The following WDFY3 variants were observed in gnomAD, a reference collection of about 807,000 sequenced individuals.
The protein encoded by WDFY3 is WD repeat and FYVE domain-containing protein 3.
A neutral mutation model predicts 409.6 loss-of-function variants in WDFY3; 66 were observed. The ratio of observed to expected loss-of-function variants is 0.16; its 90% CI spans 0.13 to 0.20. The LOEUF (loss-of-function observed/expected upper bound fraction) is 0.20, where lower values mean the gene tolerates loss of function less well. WDFY3 is among the 10% of genes least tolerant of loss of function. The probability of loss-of-function intolerance (pLI) is 1.00; values close to 1 mark genes in which losing one functional copy is unlikely to be tolerated. For synonymous variants in WDFY3, 1,521 were observed against 1,537.1 expected, an observed-to-expected ratio of 0.99 and a Z score of 0.25; for missense variants, 3,031 against 4,298.1, an observed-to-expected ratio of 0.71 and a Z score of 8.24.
At chr4:84,698,005 A>C (rs1027407439) in intron 56 of WDFY3, among the ~76,000 whole-genome samples, 38 of 152,162 alleles carry the variant, frequency 2.5e-4, no homozygotes, top group African/African-American at 8.7e-4. Flanking sequence ...TTTACAACAA[A>C]AATAAATCAA....
chr4:84,814,726 T>C (rs1487612766), intron 13 of WDFY3, among the ~76,000 whole-genome samples: 1 of 152,166 alleles, frequency 6.6e-6, no homozygotes, highest in Non-Finnish European at 1.5e-5. Flanking sequence ...CACTGGCATA[T>C]TGTTATAATT....
At chr4:84,801,955 T>C in intron 16 of WDFY3, 91 bp from the exon 17 acceptor site, 1 of 1,343,754 alleles carries the variant, frequency 7.4e-7, no homozygotes, top group Admixed American at 2.4e-5. Context: ...TTTTAATTTT[T>C]TTTTTTTTTG....
At chr4:84,845,905 A>T (rs902159018) in intron 5 of WDFY3, among the ~76,000 whole-genome samples, 26 of 145,120 alleles carry the variant, frequency 1.8e-4, no homozygotes, top group South Asian at 4.4e-4. Context: ...CAAAGCATTT[A>T]AAAAAAAAAA....
At chr4:84,775,405 G>A (rs775945438) in intron 27 of WDFY3, among the ~76,000 whole-genome samples, 1 of 151,884 alleles carries the variant, frequency 6.6e-6, no homozygotes, top group Non-Finnish European at 1.5e-5. Context: ...TGCACATGAC[G>A]AGGAGCCAAA....
intron 66 of WDFY3, among the ~76,000 whole-genome samples, chr4:84,677,736 G>A (rs944448555): frequency 6.6e-6 from 1 of 151,988 alleles, no homozygotes; most frequent in Non-Finnish European, 1.5e-5. Context: ...GCCGAGGTGG[G>A]CGGATCACTT....
chr4:84,945,238 T>C (rs1211202114), intron 1 of WDFY3, among the ~76,000 whole-genome samples: 1 of 152,214 alleles, frequency 6.6e-6, no homozygotes, highest in East Asian at 1.9e-4. Flanking sequence ...CAAGGGCAAA[T>C]CTGCACGAAC....
At chr4:84,714,132 T>C (rs55635904) in intron 50 of WDFY3, among the ~76,000 whole-genome samples, 2,268 of 151,968 alleles carry the variant, frequency 0.015, 29 homozygotes, top group Non-Finnish European at 0.02. Flanking sequence ...AAAAAATCAT[T>C]ATTATTTTTT....
At chr4:84,755,492 T>C in intron 33 of WDFY3, 92 bp from the exon 34 acceptor site, 1 of 1,427,326 alleles carries the variant, frequency 7.0e-7, no homozygotes. Context: ...TCTTTGAAAC[T>C]AGTTTTTTGT....
Position 84,821,097 on chromosome 4 carries a change from T to A in WDFY3, c.1578A>T (p.Ala526=). Residue 526 remains alanine (A), a synonymous_variant, in exon 11 of 68, where the codon GCA becomes GCT. Transcript: ENST00000295888. ...YAALLKDPTQ[A]LNEQGDSRNN... ...ACAATACTTTACCTTGTTCATTTAG[T>A]GCCTGAGTTGGATCCTTCAACAGGG... 6.2e-7 allele frequency: 1 copy of A among 1,607,758 alleles called. No individual in the cohort carries two copies. Among genetic ancestry groups the A allele is most frequent in the Non-Finnish European group, 8.5e-7 (1 of 1,177,628 alleles).
Position 84,679,182 on chromosome 4 carries a change from T to G in WDFY3, c.9884A>C (p.Gln3295Pro), listed in dbSNP as rs1428478142. The change falls in exon 65 of 68, where the codon CAG becomes CCG. Residue 3295 changes from glutamine to proline, a missense_variant. By Grantham distance (76) the Gln-to-Pro change is moderately conservative. Transcript: ENST00000295888. ...TTGGCTTGGAGTGTCCTTAGGGTCC[T>G]GGCTGATGCTCTGCTCATCTGCTTC... ...DSEADEQSIS[Q>P]DPKDTPSQPS... The G allele has an allele frequency of 2.5e-6, 4 of 1,607,622 alleles. No homozygotes were observed. Among genetic ancestry groups the G allele is most frequent in the Non-Finnish European group, 2.6e-6 (3 of 1,176,018 alleles).
At chr4:84,733,254 T>C (rs1736901796) in intron 44 of WDFY3, 128 bp downstream of exon 44, 2 of 1,038,970 alleles carry the variant, frequency 1.9e-6, no homozygotes, top group Non-Finnish European at 1.4e-6. Context: ...AAGTTATCAA[T>C]TTAATAGCGT....
In WDFY3 at chr4:84,756,988, G is replaced by A; in HGVS notation, c.5362C>T (p.Leu1788=). The change falls in exon 33 of 68, where the codon CTG becomes TTG. Residue 1788 remains leucine, a synonymous_variant. Coordinates refer to ENST00000295888, the MANE Select transcript of WDFY3 (RefSeq NM_014991.6). ...ACACTGACCTGCAGGTTCTCAGGCA[G>A]CTCACTAACTGGCTGCTGCAGAAAC... The part of the protein sequence containing the change: ...ALFLQQPVSE[L]PENLQVSVPV... The A allele has an allele frequency of 6.2e-7, 1 of 1,614,080 alleles. No individual in the cohort carries two copies. The highest frequency in any genetic ancestry group is 8.5e-7 in the Non-Finnish European group (1 of 1,179,952).
At chr4:84,895,022 A>G (rs558866037) in intron 3 of WDFY3, among the ~76,000 whole-genome samples, 4 of 152,050 alleles carry the variant, frequency 2.6e-5, no homozygotes, top group Non-Finnish European at 4.4e-5. Flanking sequence ...TAAGTTACTA[A>G]TAAGTAACTT....
chr4:84,954,149 G>A (rs1773958464), intron 1 of WDFY3, among the ~76,000 whole-genome samples: 2 of 152,044 alleles, frequency 1.3e-5, no homozygotes, highest in Admixed American at 1.3e-4. Context: ...TTATTATATA[G>A]CATAACATCA....
At chr4:84,801,535 T>C (rs531450838) in intron 17 of WDFY3, 115 bp downstream of exon 17, 4 of 1,061,626 alleles carry the variant, frequency 3.8e-6, no homozygotes, top group Non-Finnish European at 3.9e-6. Flanking sequence ...TTTTGTTATA[T>C]TTTGCCCATA....
chr4:84,738,436 A>G (rs1170011760), intron 40 of WDFY3, among the ~76,000 whole-genome samples: 1 of 152,058 alleles, frequency 6.6e-6, no homozygotes, highest in Non-Finnish European at 1.5e-5. Context: ...GTCTCTACTA[A>G]AAATACAAAA....
intron 1 of WDFY3, among the ~76,000 whole-genome samples, chr4:84,940,784 A>C (rs1010375077): frequency 1.3e-5 from 2 of 152,116 alleles, no homozygotes; most frequent in African/African-American, 4.8e-5. Context: ...AACAAAATAT[A>C]AGGAAACCAA....
At chr4:84,784,424 A>C (rs1747107356) in intron 24 of WDFY3, among the ~76,000 whole-genome samples, 1 of 152,088 alleles carries the variant, frequency 6.6e-6, no homozygotes, top group Admixed American at 6.6e-5. Context: ...GTTTTCTCCA[A>C]ATCAGAAAAT....
chr4:84,882,573 T>C (rs1436975743), intron 3 of WDFY3, among the ~76,000 whole-genome samples: 1 of 152,110 alleles, frequency 6.6e-6, no homozygotes, highest in East Asian at 1.9e-4. Flanking sequence ...TAGGGATATA[T>C]AAATGAAAAA....
Sources: gnomAD v4.1 joint callset for allele counts (sites outside exome capture counted in the v4.1 genomes callset) on GRCh38, gnomAD v4.1.1 for gene constraint, MANE v1.5 for transcripts, NCBI Gene and HGNC (gene_info 2026-07-23, HGNC 2026-07-21) for gene names.